NGRN: variants seen among roughly 807,000 people sequenced by gnomAD.
NGRN encodes neugrin, neurite outgrowth associated, also known as neugrin.
A neutral mutation model predicts 13.1 loss-of-function variants in NGRN; 12 were observed. The ratio of observed to expected loss-of-function variants is 0.92; its 90% CI spans 0.59 to 1.49. The LOEUF (loss-of-function observed/expected upper bound fraction) is 1.49, where lower values mean the gene tolerates loss of function less well. NGRN is among the 40% of genes most tolerant of loss of function. The pLI, the probability that NGRN is intolerant of heterozygous loss-of-function variation, is 0.00. For missense variants in NGRN, 397 were observed against 357.0 expected, an observed-to-expected ratio of 1.11 and a Z score of -0.90; for synonymous variants, 149 against 145.8, an observed-to-expected ratio of 1.02 and a Z score of -0.16.
rs184385845 is a variant in NGRN, at chr15:90,270,991, C to T, written c.276-197C>T. On this transcript the variant is annotated intron_variant, in intron 2 of 2. Transcript: ENST00000379095. Reference sequence around the variant, plus strand: ...CCTGTAATCCCAGCTACTTCGGAGGCTCAGGCACAAGAATCACTGGTCTCG... The same window carrying T: ...CCTGTAATCCCAGCTACTTCGGAGGTTCAGGCACAAGAATCACTGGTCTCG... 2.1e-3 allele frequency among the ~76,000 whole-genome samples: 326 copies of T among 152,200 alleles called. 1 individual carries two copies. Among genetic ancestry groups the T allele is most frequent in the African/African-American group, 7.5e-3 (311 of 41,514 alleles).
rs772087440 is a variant in NGRN at position 90,271,179 on chromosome 15, T to C, written c.276-9T>C. On this transcript the variant is annotated splice_polypyrimidine_tract_variant and intron_variant, in intron 2 of 2. Transcript: ENST00000379095. ...TCACAACTTGCAAACCTGCTCCTTC[T>C]TCCCGTAGGTATTTACATGAGGAAT... The C allele has an allele frequency of 3.7e-6, 6 of 1,601,488 alleles. No individual in the cohort carries two copies. The South Asian group carries it at 6.6e-5, about 18-fold the overall frequency.
intron 2 of NGRN, among the ~76,000 whole-genome samples, chr15:90,269,492 G>T: frequency 6.6e-6 from 1 of 151,424 alleles, no homozygotes; most frequent in South Asian, 2.1e-4. Context: ...TTGTTTCTAG[G>T]GCTGCTTTTC....
intron 2 of NGRN, among the ~76,000 whole-genome samples, chr15:90,269,890 C>T (rs907423276): frequency 3.3e-5 from 5 of 152,190 alleles, no homozygotes; most frequent in African/African-American, 1.2e-4. Flanking sequence ...AATATTTAGT[C>T]CCTTAGTACC....
chr15:90,269,672 C>T (rs1003452079), intron 2 of NGRN, among the ~76,000 whole-genome samples: 1 of 152,140 alleles, frequency 6.6e-6, no homozygotes, highest in Non-Finnish European at 1.5e-5. Flanking sequence ...ATCTCCAGTT[C>T]ATGTTTTTTT....
intron 2 of NGRN, among the ~76,000 whole-genome samples, chr15:90,268,970 T>G (rs1301386381): frequency 2.0e-5 from 2 of 101,456 alleles, no homozygotes; most frequent in Non-Finnish European, 3.7e-5. Context: ...ATTATTTATT[T>G]ATTGATTGAC....
intron 1 of NGRN, 126 bp from the exon 2 acceptor site, chr15:90,266,162 A>G (rs1039224454): frequency 6.8e-7 from 1 of 1,474,704 alleles, no homozygotes; most frequent in Admixed American, 2.6e-5. Context: ...CTAAGCCGGC[A>G]ACATGGCCCG....
intron 2 of NGRN, among the ~76,000 whole-genome samples, chr15:90,268,825 T>A (rs1447303155): frequency 4.6e-5 from 7 of 151,150 alleles, no homozygotes; most frequent in Non-Finnish European, 8.8e-5. Context: ...AGACAGGATT[T>A]TGCCATGTTG....
At chr15:90,266,028 T>A in intron 1 of NGRN, 152 bp downstream of exon 1, 1 of 1,393,546 alleles carries the variant, frequency 7.2e-7, no homozygotes, top group Non-Finnish European at 9.2e-7. Context: ...CGTCAGGTGT[T>A]CAGCTCCCCT....
rs1472106209 is a variant in NGRN at position 90,266,364 on chromosome 15, A to G, written c.241A>G (p.Arg81Gly). Residue 81 changes from arginine (R) to glycine (G), a missense_variant, in exon 2 of 3, where the codon AGG becomes GGG. Transcript: ENST00000379095. ...RQMEAPGAPP[R>G]TLTWEAMEQI... ...AATGGAGGCGCCTGGTGCCCCGCCC[A>G]GGACCCTGACGTGGGAAGCCATGGA... 2 of 1,613,878 alleles carry G rather than the reference A, an allele frequency of 1.2e-6. No homozygotes were observed. The highest frequency in any genetic ancestry group is 1.1e-5 in the South Asian group (1 of 91,010).
chr15:90,269,162 A>AT (rs34266380), intron 2 of NGRN, among the ~76,000 whole-genome samples: 1,387 of 89,602 alleles, frequency 0.015, 20 homozygotes, highest in African/African-American at 0.046. Context: ...TACCTGGCTA[A>AT]TTTTTTTTTT....
At position 90,265,839 on chromosome 15, in the gene NGRN, T is replaced by A; in HGVS notation, c.127T>A (p.Trp43Arg). 1.2e-6 allele frequency: 2 copies of A among 1,608,024 alleles called. No homozygotes were observed. The highest frequency in any genetic ancestry group is 1.7e-6 in the Non-Finnish European group (2 of 1,177,386). Reference protein sequence around the residue: ...IGREPDPDSDWEPEERELQEV... With the variant: ...IGREPDPDSDREPEERELQEV... ...CCGGGAGCCGGACCCCGATTCCGAC[T>A]GGGAGCCGGAGGAACGGGAGCTGCA... is the stretch of plus-strand genomic sequence containing the variant. Residue 43 changes from tryptophan to arginine, a missense_variant, in exon 1 of 3, where the codon TGG (tryptophan) becomes AGG (arginine). Physicochemically the swap from Trp to Arg is moderately radical, Grantham distance 101. Coordinates refer to ENST00000379095, the MANE Select transcript of NGRN (RefSeq NM_001033088.3).
At chr15:90,266,886 A>G (rs1963432121) in intron 2 of NGRN, among the ~76,000 whole-genome samples, 1 of 152,228 alleles carries the variant, frequency 6.6e-6, no homozygotes, top group African/African-American at 2.4e-5. Context: ...TTCTGAAGAC[A>G]GGATCTATAA....
chr15:90,267,516 A>G (rs1031550526), intron 2 of NGRN, among the ~76,000 whole-genome samples: 6 of 151,940 alleles, frequency 3.9e-5, no homozygotes, highest in Admixed American at 3.9e-4. Context: ...CTATTTATTT[A>G]TTTGACAGAG....
At position 90,272,000 on chromosome 15, in the gene NGRN, C is replaced by G. The variant is rs1963512943; in HGVS notation, c.*212C>G. Reference sequence around the variant, plus strand: ...GACCTCTGTAGACCTTCAGTACTCACTCTTCTTGCTTAGGCTCTCTGTGTG... The same window carrying G: ...GACCTCTGTAGACCTTCAGTACTCAGTCTTCTTGCTTAGGCTCTCTGTGTG... On this transcript the variant is annotated 3_prime_UTR_variant, in exon 3 of 3. Transcript: ENST00000379095. 2 of 585,406 alleles carry G rather than the reference C, an allele frequency of 3.4e-6. No individual in the cohort carries two copies. Among genetic ancestry groups the G allele is most frequent in the Non-Finnish European group, 5.9e-6 (2 of 338,370 alleles). The allele number at this position is 585,406 out of a possible 1,614,324, so 36.3% of individuals were successfully genotyped here.
chr15:90,270,536 G>A (rs1963488419), intron 2 of NGRN, among the ~76,000 whole-genome samples: 1 of 152,160 alleles, frequency 6.6e-6, no homozygotes, highest in African/African-American at 2.4e-5. Context: ...CTGGGGTGCT[G>A]TCTTTGCATC....
chr15:90,268,828 C>T (rs1963464240), intron 2 of NGRN, among the ~76,000 whole-genome samples: 2 of 150,936 alleles, frequency 1.3e-5, no homozygotes, highest in South Asian at 4.2e-4. Flanking sequence ...CAGGATTTTG[C>T]CATGTTGCCC....
In NGRN at chr15:90,271,225, C is replaced by G; in HGVS notation, c.313C>G (p.Pro105Ala). 6.2e-7 allele frequency: 1 copy of G among 1,614,086 alleles called. No individual in the cohort carries two copies. Among genetic ancestry groups the G allele is most frequent in the South Asian group, 1.1e-5 (1 of 91,082 alleles). The change falls in exon 3 of 3, where the codon CCC (proline) becomes GCC (alanine). Residue 105 changes from proline (P) to alanine (A), a missense_variant. Coordinates refer to ENST00000379095, the MANE Select transcript of NGRN (RefSeq NM_001033088.3). ...HEEFPESWSVPRLAEGFDVST... is the reference protein window; with the variant it reads ...HEEFPESWSVARLAEGFDVST... ...GGAATTTCCAGAGTCCTGGTCAGTTCCCAGGTTGGCTGAAGGCTTTGATGT... is the reference window on the plus strand; with the variant it reads ...GGAATTTCCAGAGTCCTGGTCAGTTGCCAGGTTGGCTGAAGGCTTTGATGT...
At position 90,271,731 on chromosome 15, in the gene NGRN, A is replaced by C; in HGVS notation, c.819A>C (p.Val273=). ...AGCCAGATAACTTCAGCAGCAAAGT[A>C]GTGCAGAGGGGCCGAGAGTTCTTTG... ...AEEPDNFSSK[V]VQRGREFFDS... Residue 273 remains valine, a synonymous_variant, in exon 3 of 3, where the codon GTA becomes GTC. Coordinates refer to ENST00000379095, the MANE Select transcript of NGRN (RefSeq NM_001033088.3). The C allele has an allele frequency of 6.2e-7, 1 of 1,614,202 alleles. No individual in the cohort carries two copies. The highest frequency in any genetic ancestry group is 8.5e-7 in the Non-Finnish European group (1 of 1,180,044).
intron 1 of NGRN, 118 bp from the exon 2 acceptor site, chr15:90,266,170 C>T (rs576156575): frequency 1.4e-6 from 2 of 1,478,478 alleles, no homozygotes; most frequent in Non-Finnish European, 1.8e-6. Flanking sequence ...GCAACATGGC[C>T]CGGTTGCCCT....
Sources: gnomAD v4.1 joint callset for allele counts (sites outside exome capture counted in the v4.1 genomes callset) on GRCh38, gnomAD v4.1.1 for gene constraint, MANE v1.5 for transcripts, NCBI Gene and HGNC (gene_info 2026-07-23, HGNC 2026-07-21) for gene names.